Variants in SNX14 observed in about 807,000 individuals in gnomAD.
The protein encoded by SNX14 is sorting nexin-14.
SNX14 carries 93 observed loss-of-function variants against 133.8 expected under a neutral mutation model. The observed-to-expected ratio is 0.70, with a 90% CI of 0.59 to 0.83. The LOEUF (loss-of-function observed/expected upper bound fraction) is 0.83. SNX14 is among the 40% of genes least tolerant of loss of function. The pLI, the probability that SNX14 is intolerant of heterozygous loss-of-function variation, is 0.00. For missense variants in SNX14, 945 were observed against 1,094.9 expected, an observed-to-expected ratio of 0.86 and a Z score of 1.93; for synonymous variants, 368 against 365.6, an observed-to-expected ratio of 1.01 and a Z score of -0.07.
chr6:85,548,915 C>T (rs1786762818), intron 8 of SNX14, among the ~76,000 whole-genome samples: 1 of 148,866 alleles, frequency 6.7e-6, no homozygotes, highest in Admixed American at 6.7e-5. Context: ...TGCAGTGAGC[C>T]GAGATCACAC....
intron 7 of SNX14, among the ~76,000 whole-genome samples, chr6:85,550,486 A>G (rs1787351492): frequency 6.6e-6 from 1 of 152,082 alleles, no homozygotes; most frequent in Admixed American, 6.6e-5. Context: ...ATCTTACTCA[A>G]AATTATTATT....
At chr6:85,580,894 A>G (rs1235472789) in intron 1 of SNX14, among the ~76,000 whole-genome samples, 2 of 152,148 alleles carry the variant, frequency 1.3e-5, no homozygotes, top group African/African-American at 2.4e-5. Flanking sequence ...CCTGGATGGC[A>G]TCTCTGGAAC....
At chr6:85,506,862 A>C (rs1212100834) in intron 28 of SNX14, among the ~76,000 whole-genome samples, 1 of 152,168 alleles carries the variant, frequency 6.6e-6, no homozygotes, top group Non-Finnish European at 1.5e-5. Flanking sequence ...GGTTTACATA[A>C]AACTTGCTTC....
At chr6:85,519,889 CAAAAAA>C (rs200788112) in intron 21 of SNX14, among the ~76,000 whole-genome samples, 2 of 150,316 alleles carry the variant, frequency 1.3e-5, no homozygotes, top group Non-Finnish European at 3.0e-5. Flanking sequence ...CAAAACAAAA[CAAAAAA>C]AAACTATGAT....
intron 1 of SNX14, among the ~76,000 whole-genome samples, chr6:85,574,618 C>T (rs113683921): frequency 4.9e-4 from 74 of 152,214 alleles, no homozygotes; most frequent in African/African-American, 1.6e-3. Context: ...ATAATTGGTA[C>T]CTATGTTTAA....
rs536863086 is a variant in SNX14, at chr6:85,533,820, A to G, written c.1609-20T>C. ...TTCAATCTGGAAAAAAATTACCAGG[A>G]TGAATTTAATATTCCCAATACCTTT... On this transcript the variant is annotated intron_variant, in intron 17 of 28. Coordinates refer to ENST00000314673, the MANE Select transcript of SNX14 (RefSeq NM_153816.6). 2 of 1,587,706 alleles carry G rather than the reference A, an allele frequency of 1.3e-6. No individual in the cohort carries two copies. Among genetic ancestry groups the G allele is most frequent in the South Asian group, 2.2e-5 (2 of 89,854 alleles).
rs1335067571 is a variant in SNX14 at position 85,526,095 on chromosome 6, T to G, written c.2107+31A>C. ...AAAATGCTGATTCTTTTCAGCTTAT[T>G]ATCTTATAATGATTCTTTAAATTGA... On this transcript the variant is annotated intron_variant, in intron 21 of 28. Coordinates refer to ENST00000314673, the MANE Select transcript of SNX14 (RefSeq NM_153816.6). The G allele has an allele frequency of 2.9e-6, 4 of 1,358,536 alleles. No individual in the cohort carries two copies. In the African/African-American group the frequency reaches 5.9e-5, roughly 20 times the overall value. The allele number at this position is 1,358,536 out of a possible 1,614,324, so 84.2% of individuals were successfully genotyped here. A position where few individuals can be genotyped will look rare whatever the true frequency, so the allele number is the denominator to read the frequency against.
intron 1 of SNX14, chr6:85,581,716 T>A (rs952598632): frequency 6.6e-6 from 1 of 152,180 alleles, no homozygotes; most frequent in Non-Finnish European, 1.5e-5. Flanking sequence ...TATAGAAGAA[T>A]GCATTAGAGT....
chr6:85,518,502 T>C (rs946893180), intron 21 of SNX14, among the ~76,000 whole-genome samples: 2 of 152,210 alleles, frequency 1.3e-5, no homozygotes, highest in Non-Finnish European at 2.9e-5. Flanking sequence ...GTTTATATTC[T>C]GAATTTTAGA....
intron 1 of SNX14, chr6:85,589,132 G>T: frequency 4.2e-6 from 1 of 236,984 alleles, no homozygotes; most frequent in Non-Finnish European, 8.7e-6. Context: ...CAGTATCAAA[G>T]AAGGGTCCAT....
At chr6:85,516,332 T>A (rs903214572) in intron 23 of SNX14, among the ~76,000 whole-genome samples, 1 of 152,170 alleles carries the variant, frequency 6.6e-6, no homozygotes. Context: ...CCTGACAAAT[T>A]CCTAGCATTC....
intron 1 of SNX14, among the ~76,000 whole-genome samples, chr6:85,586,470 A>G (rs1800894936): frequency 6.6e-6 from 1 of 152,246 alleles, no homozygotes; most frequent in Admixed American, 6.5e-5. Flanking sequence ...ACTGCACTAT[A>G]TATTTTTACC....
At chr6:85,532,234 T>C (rs1009235543) in intron 18 of SNX14, among the ~76,000 whole-genome samples, 6 of 152,186 alleles carry the variant, frequency 3.9e-5, no homozygotes, top group Non-Finnish European at 7.3e-5. Context: ...GAAATCTGAC[T>C]CTATTATTGA....
chr6:85,521,538 C>A (rs1024342954), intron 21 of SNX14, among the ~76,000 whole-genome samples: 2 of 152,146 alleles, frequency 1.3e-5, no homozygotes, highest in East Asian at 3.8e-4. Context: ...ATTCTCTCCC[C>A]TTGTACAGGT....
intron 1 of SNX14, 61 bp from the exon 2 acceptor site, chr6:85,574,439 C>A: frequency 8.1e-7 from 1 of 1,232,914 alleles, no homozygotes; most frequent in Non-Finnish European, 1.1e-6. Context: ...TAAGTTACCG[C>A]TTCACTGACT....
intron 1 of SNX14, chr6:85,589,087 G>C (rs1472140025): frequency 3.4e-6 from 1 of 295,042 alleles, no homozygotes; most frequent in African/African-American, 2.2e-5. Flanking sequence ...ATATAGTACT[G>C]ATCTTTCTTC....
chr6:85,561,994 C>T (rs1170280538), intron 6 of SNX14, among the ~76,000 whole-genome samples: 5 of 152,066 alleles, frequency 3.3e-5, no homozygotes, highest in Non-Finnish European at 7.4e-5. Flanking sequence ...TCCTAATCCT[C>T]CTCCCACTCT....
intron 9 of SNX14, among the ~76,000 whole-genome samples, chr6:85,547,844 A>C (rs1206205329): frequency 1.3e-5 from 2 of 152,224 alleles, no homozygotes; most frequent in Non-Finnish European, 1.5e-5. Flanking sequence ...AGAAGCATCC[A>C]AAGTGTCCAT....
intron 5 of SNX14, among the ~76,000 whole-genome samples, chr6:85,566,996 C>A (rs931047867): frequency 3.3e-5 from 5 of 151,998 alleles, no homozygotes; most frequent in Non-Finnish European, 5.9e-5. Flanking sequence ...AAAAAAAAAC[C>A]ATTAATTCTC....
Sources: allele counts gnomAD v4.1 joint callset (sites outside exome capture counted in the v4.1 genomes callset), GRCh38; gene constraint gnomAD v4.1.1; transcripts MANE v1.5; gene names NCBI Gene and HGNC (gene_info 2026-07-23, HGNC 2026-07-21).